The following TSHZ2 variants were observed in gnomAD, a reference collection of about 807,000 sequenced individuals.
TSHZ2 encodes teashirt homolog 2.
TSHZ2 carries 21 observed loss-of-function variants against 74.4 expected under a neutral mutation model. That is an observed-to-expected ratio of 0.28 (90% CI 0.20 to 0.41). The LOEUF (loss-of-function observed/expected upper bound fraction) is 0.41. Ranked by LOEUF, TSHZ2 falls within the 10% of genes least tolerant of loss-of-function variation. The pLI, the probability that TSHZ2 is intolerant of heterozygous loss-of-function variation, is 1.00. For synonymous variants in TSHZ2, 540 were observed against 515.3 expected, an observed-to-expected ratio of 1.05 and a Z score of -0.65; for missense variants, 1,244 against 1,293.5, an observed-to-expected ratio of 0.96 and a Z score of 0.59.
chr20:52,974,619 T>C (rs556930768), intron 1 of TSHZ2, among the ~76,000 whole-genome samples: 64 of 152,282 alleles, frequency 4.2e-4, no homozygotes, highest in African/African-American at 1.5e-3. Context: ...TAGCAAAACA[T>C]AGGGAGAAGT....
At chr20:53,069,235 A>G (rs1227602407) in intron 1 of TSHZ2, among the ~76,000 whole-genome samples, 1 of 152,122 alleles carries the variant, frequency 6.6e-6, no homozygotes, top group Non-Finnish European at 1.5e-5. Flanking sequence ...TAGTTCACCT[A>G]CTTTAGAATA....
In TSHZ2 at chr20:53,272,010, G is replaced by C. The variant is rs541254335; in HGVS notation, c.*8+15439G>C. ...GCAGGGCTGGGAAGTGAGTGGAGAA[G>C]TGGATTTTTTTTTTTCTTTTGTGAC... On this transcript the variant is annotated intron_variant, in intron 2 of 2. Transcript: ENST00000371497. Among the ~76,000 whole-genome samples, 5 of 151,616 alleles carry C rather than the reference G, an allele frequency of 3.3e-5. No individual in the cohort carries two copies. In the East Asian group the frequency reaches 7.7e-4, roughly 23 times the overall value.
intron 1 of TSHZ2, among the ~76,000 whole-genome samples, chr20:53,111,431 G>A (rs984283006): frequency 1.3e-5 from 2 of 152,152 alleles, no homozygotes; most frequent in Non-Finnish European, 2.9e-5. Context: ...TCTGATCCCT[G>A]TCATTCTCAT....
intron 1 of TSHZ2, among the ~76,000 whole-genome samples, chr20:53,248,480 T>TA (rs1990256857): frequency 6.6e-6 from 1 of 152,186 alleles, no homozygotes; most frequent in Non-Finnish European, 1.5e-5. Context: ...ATGCAGCATA[T>TA]AAAATATTCT....
intron 1 of TSHZ2, among the ~76,000 whole-genome samples, chr20:52,975,307 A>C (rs1322753223): frequency 6.6e-6 from 1 of 152,102 alleles, no homozygotes; most frequent in Admixed American, 6.5e-5. Flanking sequence ...CAGTAATTTA[A>C]ATTACCAGAA....
chr20:53,281,406 G>A (rs1991058620), intron 2 of TSHZ2, among the ~76,000 whole-genome samples: 1 of 152,186 alleles, frequency 6.6e-6, no homozygotes, highest in South Asian at 2.1e-4. Flanking sequence ...TTTGTCAAAA[G>A]GCCAGATAGT....
intron 1 of TSHZ2, among the ~76,000 whole-genome samples, chr20:53,101,117 C>T (rs774120967): frequency 6.6e-6 from 1 of 152,090 alleles, no homozygotes; most frequent in East Asian, 1.9e-4. Flanking sequence ...CAAGGAATGC[C>T]GTTCTAAGGA....
At chr20:53,413,137 T>G (rs1983112975) in intron 2 of TSHZ2, among the ~76,000 whole-genome samples, 1 of 152,208 alleles carries the variant, frequency 6.6e-6, no homozygotes, top group African/African-American at 2.4e-5. Context: ...TAACTGGCCC[T>G]TGATCCTTTA....
chr20:53,311,701 A>T (rs910054443), intron 2 of TSHZ2, among the ~76,000 whole-genome samples: 5 of 152,186 alleles, frequency 3.3e-5, no homozygotes, highest in African/African-American at 1.2e-4. Context: ...GTAGTTTCCC[A>T]GCAGTTTCCA....
intron 1 of TSHZ2, among the ~76,000 whole-genome samples, chr20:53,105,548 C>G (rs1377755455): frequency 6.6e-6 from 1 of 152,212 alleles, no homozygotes; most frequent in African/African-American, 2.4e-5. Flanking sequence ...GCCCAAAGGC[C>G]TTGATCTCAT....
rs140793805 is a variant in TSHZ2 at position 53,408,012 on chromosome 20, A to G, written c.*9-79132A>G. ...AGGATGCATTTGGCCTGTGGGTCACAGTTTGCCACCCTGATTTAAGGGGTT... is the reference window on the plus strand; with the variant it reads ...AGGATGCATTTGGCCTGTGGGTCACGGTTTGCCACCCTGATTTAAGGGGTT... On this transcript the variant is annotated intron_variant, in intron 2 of 2. Coordinates refer to ENST00000371497, the MANE Select transcript of TSHZ2 (RefSeq NM_173485.6). Among the ~76,000 whole-genome samples, 34 of 152,362 alleles carry G rather than the reference A, an allele frequency of 2.2e-4. No individual in the cohort carries two copies. The East Asian group carries it at 6.5e-3, about 29-fold the overall frequency.
intron 2 of TSHZ2, among the ~76,000 whole-genome samples, chr20:53,436,089 T>C (rs1984049946): frequency 6.6e-6 from 1 of 152,096 alleles, no homozygotes; most frequent in South Asian, 2.1e-4. Flanking sequence ...CGTAGTGCAG[T>C]ATCTGGAATA....
chr20:53,035,606 C>T (rs942585630), intron 1 of TSHZ2, among the ~76,000 whole-genome samples: 2 of 152,068 alleles, frequency 1.3e-5, no homozygotes, highest in African/African-American at 4.8e-5. Flanking sequence ...ATGCCATGAT[C>T]TATTGATTTA....
At position 53,340,184 on chromosome 20, in the gene TSHZ2, C is replaced by CTTTTTTTT. The variant is rs557613827; in HGVS notation, c.*8+83622_*8+83629dup. On this transcript the variant is annotated intron_variant, in intron 2 of 2. Transcript: ENST00000371497. ...ACAAGGTGACTTTTCTTTCTTTTTT[C>CTTTTTTTT]TTTTTTTTTTTTTTTTGAGATGGAG... is the stretch of plus-strand genomic sequence containing the variant. Among the ~76,000 whole-genome samples, 17 of 109,872 alleles carry CTTTTTTTT rather than the reference C, an allele frequency of 1.5e-4. 2 individuals are homozygous for CTTTTTTTT. The highest frequency in any genetic ancestry group is 6.6e-4 in the South Asian group (2 of 3,022). The allele number at this position is 109,872 out of a possible 152,430, so 72.1% of individuals were successfully genotyped here.
chr20:53,484,382 C>CTT (rs10610067), intron 2 of TSHZ2, among the ~76,000 whole-genome samples: 41 of 98,854 alleles, frequency 4.1e-4, no homozygotes, highest in Admixed American at 1.1e-3. Flanking sequence ...TTATCTCTCT[C>CTT]TTTTTTTTTT....
rs147290859 is a variant in TSHZ2, at chr20:52,987,925, G to A, written c.40+14592G>A. On this transcript the variant is annotated intron_variant, in intron 1 of 2. Coordinates refer to ENST00000371497, the MANE Select transcript of TSHZ2 (RefSeq NM_173485.6). ...ATTCTCAAGACTCTATAGAATGAGG[G>A]CAGAAAACCTGGGTTGTATTTTTTG... Among the ~76,000 whole-genome samples, 354 of 152,252 alleles carry A rather than the reference G, an allele frequency of 2.3e-3. 1 individual carries two copies. The highest frequency in any genetic ancestry group is 8.0e-3 in the African/African-American group (331 of 41,558).
chr20:53,337,827 A>G (rs1263960857), intron 2 of TSHZ2, among the ~76,000 whole-genome samples: 1 of 152,228 alleles, frequency 6.6e-6, no homozygotes, highest in Non-Finnish European at 1.5e-5. Flanking sequence ...ACCCTGTTAA[A>G]GAAAAATATT....
intron 2 of TSHZ2, among the ~76,000 whole-genome samples, chr20:53,357,529 A>T (rs970993549): frequency 3.3e-5 from 5 of 152,132 alleles, no homozygotes; most frequent in Non-Finnish European, 7.4e-5. Flanking sequence ...AAAATTAAAT[A>T]AAATAACCCC....
intron 1 of TSHZ2, among the ~76,000 whole-genome samples, chr20:53,189,805 C>A (rs1399788137): frequency 6.6e-6 from 1 of 151,850 alleles, no homozygotes; most frequent in East Asian, 2.0e-4. Flanking sequence ...ATGTCTGGGC[C>A]AGACACAATG....
Sources: allele counts gnomAD v4.1 joint callset (sites outside exome capture counted in the v4.1 genomes callset), GRCh38; gene constraint gnomAD v4.1.1; transcripts MANE v1.5; gene names NCBI Gene and HGNC (gene_info 2026-07-23, HGNC 2026-07-21).